Variants in FBXL13 observed in about 807,000 individuals in gnomAD.
FBXL13 encodes the protein F-box and leucine rich repeat protein 13, also known as F-box and leucine-rich repeat protein 13.
A neutral mutation model predicts 83.6 loss-of-function variants in FBXL13; 67 were observed. That is an observed-to-expected ratio of 0.80 (90% CI 0.66 to 0.98). FBXL13 has a LOEUF of 0.98. Among genes scored for constraint, FBXL13 ranks in the 50% least tolerant of loss-of-function variants. The pLI is 0.00. For missense variants in FBXL13, 822 were observed against 866.5 expected, an observed-to-expected ratio of 0.95 and a Z score of 0.64; for synonymous variants, 272 against 299.5, an observed-to-expected ratio of 0.91 and a Z score of 0.95.
intron 17 of FBXL13, among the ~76,000 whole-genome samples, chr7:102,845,187 G>T (rs1803709941): frequency 6.6e-6 from 1 of 152,124 alleles, no homozygotes; most frequent in African/African-American, 2.4e-5. Flanking sequence ...AAAGTTCCAA[G>T]ATTCTAATCG....
chr7:102,856,660 CATT>C lies in FBXL13; in HGVS notation c.1636-1803_1636-1801del, dbSNP rs528729392. On this transcript the variant is annotated intron_variant, in intron 16 of 19. Transcript: ENST00000313221. ...ATGGCCTAAAAATTGAATTGATCAA[CATT>C]ATTAGCCATTAGATAAATGCATAAT... 5.3e-5 allele frequency among the ~76,000 whole-genome samples: 8 copies of C among 152,240 alleles called. No homozygotes were observed. In the East Asian group the frequency reaches 1.5e-3, roughly 29 times the overall value.
Position 103,000,653 on chromosome 7 carries a change from G to A in FBXL13, c.495+24410C>T, listed in dbSNP as rs541007906. On this transcript the variant is annotated intron_variant, in intron 6 of 19. Coordinates refer to ENST00000313221, the Ensembl canonical transcript of FBXL13. ...AATGTTCCTTTGTTGATTTTCTGTC[G>A]GCATGATTTGTCCATTACTCAGAGT... Among the ~76,000 whole-genome samples the A allele has an allele frequency of 5.3e-5, 8 of 152,186 alleles. No individual in the cohort carries two copies. The East Asian group carries it at 5.8e-4, about 11-fold the overall frequency.
rs187489239 is a variant in FBXL13 at position 102,900,001 on chromosome 7, C to A, written c.1008+13085G>T. On this transcript the variant is annotated intron_variant, in intron 11 of 19. Transcript: ENST00000313221. ...GGTGGAGGCTGCAGTGAACCGAGATCACACCACTGTACTCCAGCCTGGGTG... is the reference window on the plus strand; with the variant it reads ...GGTGGAGGCTGCAGTGAACCGAGATAACACCACTGTACTCCAGCCTGGGTG... 1.7e-3 allele frequency among the ~76,000 whole-genome samples: 257 copies of A among 151,370 alleles called. 2 individuals are homozygous for A. The highest frequency in any genetic ancestry group is 6.1e-3 in the African/African-American group (250 of 41,194).
chr7:102,939,685 G>A (rs535326806), intron 8 of FBXL13: 1 of 1,059,092 alleles, frequency 9.4e-7, no homozygotes, highest in Non-Finnish European at 1.3e-6. Flanking sequence ...AAAAGTAACT[G>A]AACTAAATAA....
At chr7:102,895,567 C>T (rs1174493103) in intron 11 of FBXL13, among the ~76,000 whole-genome samples, 1 of 152,194 alleles carries the variant, frequency 6.6e-6, no homozygotes, top group Non-Finnish European at 1.5e-5. Flanking sequence ...CCTTGCTTCC[C>T]AGCATGTCTG....
chr7:102,902,300 G>A (rs1455062645), intron 11 of FBXL13, among the ~76,000 whole-genome samples: 1 of 152,084 alleles, frequency 6.6e-6, no homozygotes, highest in African/African-American at 2.4e-5. Flanking sequence ...TTCCTATAAA[G>A]TTGTTTGAGC....
chr7:102,928,702 C>A (rs757821927), intron 9 of FBXL13, among the ~76,000 whole-genome samples: 44 of 152,292 alleles, frequency 2.9e-4, no homozygotes, highest in Non-Finnish European at 5.6e-4. Context: ...TAATTCCCTC[C>A]AACACCTAGC....
chr7:102,909,977 T>A (rs1346193414), intron 11 of FBXL13, among the ~76,000 whole-genome samples: 1 of 152,100 alleles, frequency 6.6e-6, no homozygotes, highest in Non-Finnish European at 1.5e-5. Context: ...AGGGTTACAG[T>A]CCTTATGGCC....
intron 10 of FBXL13, among the ~76,000 whole-genome samples, chr7:102,921,478 G>C (rs1161983171): frequency 1.3e-5 from 2 of 151,952 alleles, no homozygotes; most frequent in Non-Finnish European, 2.9e-5. Context: ...TCAGGAGTTT[G>C]AGACCAGCCT....
chr7:102,833,324 G>A (rs971009074), intron 17 of FBXL13, among the ~76,000 whole-genome samples: 1 of 152,026 alleles, frequency 6.6e-6, no homozygotes, highest in Non-Finnish European at 1.5e-5. Flanking sequence ...ACAGTGGAAT[G>A]TAATGGAAAG....
At chr7:103,052,009 C>A (rs1796866004) in intron 2 of FBXL13, among the ~76,000 whole-genome samples, 1 of 152,186 alleles carries the variant, frequency 6.6e-6, no homozygotes, top group Non-Finnish European at 1.5e-5. Context: ...GAGTCCTTCT[C>A]AGGACATATT....
chr7:102,912,672 C>CG, intron 11 of FBXL13, among the ~76,000 whole-genome samples: 2 of 53,558 alleles, frequency 3.7e-5, no homozygotes, highest in East Asian at 8.8e-4. Context: ...TAGCATTTTA[C>CG]CCCCCCCCCC....
At chr7:102,946,841 A>AT (rs1822600190) in intron 8 of FBXL13, among the ~76,000 whole-genome samples, 2 of 151,590 alleles carry the variant, frequency 1.3e-5, no homozygotes, top group South Asian at 4.2e-4. Context: ...CACCCAGCTA[A>AT]TTTTTGTATT....
intron 17 of FBXL13, among the ~76,000 whole-genome samples, chr7:102,837,903 GACTGTA>G (rs1384675304): frequency 2.6e-5 from 4 of 152,190 alleles, no homozygotes; most frequent in African/African-American, 9.6e-5. Flanking sequence ...CTTCTGCATT[GACTGTA>G]ACTTCTTGAG....
intron 8 of FBXL13, among the ~76,000 whole-genome samples, chr7:102,958,497 C>A (rs933505712): frequency 1.3e-5 from 2 of 149,674 alleles, no homozygotes; most frequent in Non-Finnish European, 3.0e-5. Context: ...AACAAACCTG[C>A]ATGTTGTGCA....
chr7:103,054,106 C>A (rs1392331268), intron 2 of FBXL13, among the ~76,000 whole-genome samples: 1 of 151,732 alleles, frequency 6.6e-6, no homozygotes, highest in African/African-American at 2.4e-5. Flanking sequence ...CAAGAGATAT[C>A]ATGCACGGGC....
intron 1 of FBXL13, among the ~76,000 whole-genome samples, chr7:103,064,596 C>T (rs1332121724): frequency 6.6e-6 from 1 of 152,174 alleles, no homozygotes; most frequent in East Asian, 1.9e-4. Flanking sequence ...TATGAACAAG[C>T]CAAGTATGGC....
intron 6 of FBXL13, among the ~76,000 whole-genome samples, chr7:102,975,166 C>T (rs1317319440): frequency 6.6e-6 from 1 of 152,170 alleles, no homozygotes; most frequent in Non-Finnish European, 1.5e-5. Flanking sequence ...GCTAGAGAGC[C>T]CCCTTCAGAA....
rs368775610 is a variant in FBXL13, at chr7:102,877,565, G to A, written c.1537C>T (p.Arg513Ter). 9.4e-5 allele frequency: 152 copies of A among 1,609,298 alleles called. 1 individual carries two copies. Among genetic ancestry groups the A allele is most frequent in the East Asian group, 1.8e-4 (8 of 44,562 alleles). Residue 513 changes from arginine (R) to a stop codon, truncating the protein, a stop_gained, in exon 16 of 20, where the codon CGA becomes TGA. Coordinates refer to ENST00000313221, the Ensembl canonical transcript of FBXL13. LOFTEE classifies it high-confidence loss of function. ...TGGGCAGTCAAATGTTCACAATTTC[G>A]TAAACTCAAGTAGTTTAAATTAGGG...
Sources: gnomAD v4.1 joint callset for allele counts (sites outside exome capture counted in the v4.1 genomes callset) on GRCh38, gnomAD v4.1.1 for gene constraint, MANE v1.5 for transcripts, NCBI Gene and HGNC (gene_info 2026-07-23, HGNC 2026-07-21) for gene names.